Variants in SNTG1 observed in about 807,000 individuals in gnomAD.
SNTG1 encodes syntrophin gamma 1, also known as gamma-1-syntrophin.
In SNTG1, 39 loss-of-function variants were observed where a neutral mutation model predicts 74.7. The ratio of observed to expected loss-of-function variants is 0.52; its 90% confidence interval spans 0.40 to 0.68. The LOEUF is 0.68. SNTG1 is among the 30% of genes least tolerant of loss of function. The pLI is 0.00. For synonymous variants in SNTG1, 254 were observed against 217.1 expected, an observed-to-expected ratio of 1.17 and a Z score of -1.49; for missense variants, 685 against 609.5, an observed-to-expected ratio of 1.12 and a Z score of -1.30.
intron 12 of SNTG1, among the ~76,000 whole-genome samples, chr8:50,581,460 A>G (rs1042879465): frequency 3.3e-5 from 5 of 152,120 alleles, no homozygotes; most frequent in East Asian, 3.8e-4. Context: ...CTCTCTCTCC[A>G]TGTTTCATTT....
chr8:50,348,229 CT>C (rs1253543648), intron 2 of SNTG1, among the ~76,000 whole-genome samples: 10 of 152,260 alleles, frequency 6.6e-5, no homozygotes, highest in African/African-American at 2.4e-4. Flanking sequence ...ATCTCCATGC[CT>C]TACAGGTCAG....
At chr8:50,480,598 C>T (rs536820829) in intron 8 of SNTG1, among the ~76,000 whole-genome samples, 13 of 152,156 alleles carry the variant, frequency 8.5e-5, no homozygotes, top group South Asian at 4.2e-4. Context: ...TGTCTTTTGG[C>T]GTGAAAATGT....
chr8:50,782,448 A>T (rs1244281607), intron 18 of SNTG1, among the ~76,000 whole-genome samples: 1 of 151,884 alleles, frequency 6.6e-6, no homozygotes, highest in Non-Finnish European at 1.5e-5. Context: ...ACTTCATTTC[A>T]TTCATTTCAT....
chr8:50,264,021 C>A (rs992644290), intron 2 of SNTG1, among the ~76,000 whole-genome samples: 4 of 152,080 alleles, frequency 2.6e-5, no homozygotes, highest in Admixed American at 2.6e-4. Flanking sequence ...AAATTAATAA[C>A]AAAGAAGATG....
At chr8:50,288,328 A>G (rs1358272294) in intron 2 of SNTG1, among the ~76,000 whole-genome samples, 1 of 152,188 alleles carries the variant, frequency 6.6e-6, no homozygotes, top group Non-Finnish European at 1.5e-5. Context: ...AACCTACTCA[A>G]GTAACAAAAA....
At chr8:50,291,714 A>G (rs2089121568) in intron 2 of SNTG1, among the ~76,000 whole-genome samples, 1 of 152,212 alleles carries the variant, frequency 6.6e-6, no homozygotes, top group Admixed American at 6.5e-5. Context: ...AATAGGCTAC[A>G]AGAAAGAAAA....
At chr8:50,636,795 T>C (rs549037156) in intron 13 of SNTG1, among the ~76,000 whole-genome samples, 2 of 152,204 alleles carry the variant, frequency 1.3e-5, no homozygotes, top group African/African-American at 4.8e-5. Context: ...TTATTAAATT[T>C]GGTGTTCCTG....
intron 17 of SNTG1, among the ~76,000 whole-genome samples, chr8:50,711,432 T>C (rs1227152372): frequency 6.6e-6 from 1 of 152,150 alleles, no homozygotes; most frequent in East Asian, 1.9e-4. Flanking sequence ...ACCAAAGGTC[T>C]TGAAATAAAG....
chr8:50,726,682 T>C (rs1001733109), intron 17 of SNTG1, among the ~76,000 whole-genome samples: 3 of 152,084 alleles, frequency 2.0e-5, no homozygotes, highest in Non-Finnish European at 4.4e-5. Context: ...ACCCCGTCTC[T>C]ACTAAAAATA....
chr8:49,992,249 C>T (rs1484948521), intron 1 of SNTG1, among the ~76,000 whole-genome samples: 3 of 152,012 alleles, frequency 2.0e-5, no homozygotes, highest in Admixed American at 6.6e-5. Context: ...AATGGTACCA[C>T]GTTGTATAAT....
chr8:50,361,998 G>T (rs367818830), intron 2 of SNTG1, among the ~76,000 whole-genome samples: 42 of 152,174 alleles, frequency 2.8e-4, no homozygotes, highest in African/African-American at 8.9e-4. Context: ...AAGTGGCAAT[G>T]GATGAGTCAG....
intron 13 of SNTG1, among the ~76,000 whole-genome samples, chr8:50,610,031 T>C (rs1372974615): frequency 6.6e-6 from 1 of 152,180 alleles, no homozygotes; most frequent in Non-Finnish European, 1.5e-5. Flanking sequence ...TTCTTCGTTT[T>C]CTTGTTTGAT....
rs369150757 is a variant in SNTG1 at position 50,703,818 on chromosome 8, C to T, written c.1039-782C>T. On this transcript the variant is annotated intron_variant, in intron 15 of 18. Transcript: ENST00000642720. ...CTAGGGGATAGGAATTTTTCAGCTC[C>T]CTTATAACCTTATAGGATCACCGTC... Among the ~76,000 whole-genome samples the T allele has an allele frequency of 2.0e-5, 3 of 152,188 alleles. No individual in the cohort carries two copies. In the South Asian group the frequency reaches 6.2e-4, roughly 32 times the overall value.
chr8:50,557,663 C>T (rs1339132235), intron 12 of SNTG1, among the ~76,000 whole-genome samples: 1 of 152,150 alleles, frequency 6.6e-6, no homozygotes, highest in Non-Finnish European at 1.5e-5. Flanking sequence ...GTCCCAGGGC[C>T]CACTCAGGTA....
At chr8:50,171,620 T>G (rs2131651175) in intron 1 of SNTG1, among the ~76,000 whole-genome samples, 1 of 152,298 alleles carries the variant, frequency 6.6e-6, no homozygotes. Context: ...CCAATTAAGT[T>G]GACACTGAGT....
At chr8:49,920,494 C>T (rs1298096411) in intron 1 of SNTG1, among the ~76,000 whole-genome samples, 1 of 151,954 alleles carries the variant, frequency 6.6e-6, no homozygotes, top group Non-Finnish European at 1.5e-5. Context: ...TGCCTCTCTT[C>T]TTATAACACC....
chr8:50,118,422 T>G (rs1005419028), intron 1 of SNTG1, among the ~76,000 whole-genome samples: 1 of 152,238 alleles, frequency 6.6e-6, no homozygotes, highest in African/African-American at 2.4e-5. Flanking sequence ...TCTCAGTGCT[T>G]TACACATTTT....
rs150730639 is a variant in SNTG1 at position 50,076,593 on chromosome 8, G to A, written c.-102-95968G>A. ...TATATTTAGGCCTAAATATTCCGTCGTAAAAATATGAAAATTCTCAGGTGT... is the reference window on the plus strand; with the variant it reads ...TATATTTAGGCCTAAATATTCCGTCATAAAAATATGAAAATTCTCAGGTGT... On this transcript the variant is annotated intron_variant, in intron 1 of 18. Coordinates refer to ENST00000642720, the MANE Select transcript of SNTG1 (RefSeq NM_018967.5). Among the ~76,000 whole-genome samples, 12 of 147,256 alleles carry A rather than the reference G, an allele frequency of 8.1e-5. No individual in the cohort carries two copies. The East Asian group carries it at 1.5e-3, about 18-fold the overall frequency.
intron 2 of SNTG1, among the ~76,000 whole-genome samples, chr8:50,203,464 A>G (rs952337847): frequency 6.6e-6 from 1 of 152,230 alleles, no homozygotes; most frequent in Middle Eastern, 3.4e-3. Flanking sequence ...CAGTGCATTC[A>G]TATTTTTTCT....
Sources: allele counts gnomAD v4.1 joint callset (sites outside exome capture counted in the v4.1 genomes callset), GRCh38; gene constraint gnomAD v4.1.1; transcripts MANE v1.5; gene names NCBI Gene and HGNC (gene_info 2026-07-23, HGNC 2026-07-21).